The following ATRNL1 variants were observed in gnomAD, a reference collection of about 807,000 sequenced individuals.
The protein encoded by ATRNL1 is attractin-like protein 1.
Under a neutral mutation model 182.7 loss-of-function variants are expected in ATRNL1, and 95 were observed. The observed-to-expected ratio is 0.52, with a 90% CI of 0.44 to 0.62. The LOEUF is 0.62. ATRNL1 is among the 20% of genes least tolerant of loss of function. The pLI is 0.00. For synonymous variants in ATRNL1, 576 were observed against 568.3 expected (o/e 1.01, Z -0.19); for missense variants, 1,471 against 1,679.5 (o/e 0.88, Z 2.17).
intron 26 of ATRNL1, among the ~76,000 whole-genome samples, chr10:115,687,951 T>C (rs1447792437): frequency 6.6e-6 from 1 of 152,076 alleles, no homozygotes; most frequent in African/African-American, 2.4e-5. Flanking sequence ...TCAGTCTCTC[T>C]TCATTCACTC....
At chr10:115,842,083 TAG>T (rs1950822800) in intron 27 of ATRNL1, among the ~76,000 whole-genome samples, 1 of 151,732 alleles carries the variant, frequency 6.6e-6, no homozygotes, top group Non-Finnish European at 1.5e-5. Flanking sequence ...AGGGAAATGT[TAG>T]AGTGATTAAT....
At chr10:115,138,363 C>T (rs189428562) in intron 5 of ATRNL1, among the ~76,000 whole-genome samples, 63 of 152,370 alleles carry the variant, frequency 4.1e-4, no homozygotes, top group African/African-American at 1.4e-3. Context: ...TCCAACCCTA[C>T]GTTTCCCTTC....
At chr10:115,166,235 G>A (rs1025500072) in intron 7 of ATRNL1, among the ~76,000 whole-genome samples, 1 of 151,992 alleles carries the variant, frequency 6.6e-6, no homozygotes, top group African/African-American at 2.4e-5. Flanking sequence ...GTGTCAGAAT[G>A]TCCTTCCTTT....
intron 21 of ATRNL1, among the ~76,000 whole-genome samples, chr10:115,439,998 G>T (rs768954610): frequency 6.6e-6 from 1 of 151,576 alleles, no homozygotes; most frequent in Non-Finnish European, 1.5e-5. Context: ...TCATTAATTT[G>T]TTTAATTATT....
intron 26 of ATRNL1, among the ~76,000 whole-genome samples, chr10:115,726,938 C>T (rs1421872382): frequency 2.0e-5 from 3 of 151,166 alleles, no homozygotes; most frequent in Non-Finnish European, 4.4e-5. Context: ...ACTGTAATAA[C>T]ACTTTTTACT....
intron 26 of ATRNL1, among the ~76,000 whole-genome samples, chr10:115,683,841 G>A (rs1375272077): frequency 6.6e-6 from 1 of 151,692 alleles, no homozygotes; most frequent in Non-Finnish European, 1.5e-5. Context: ...ATTTATGTAA[G>A]CTATTTTTTA....
chr10:115,277,536 C>G (rs1426883579), intron 13 of ATRNL1, among the ~76,000 whole-genome samples: 2 of 151,980 alleles, frequency 1.3e-5, no homozygotes, highest in Admixed American at 1.3e-4. Context: ...AAATATTTAG[C>G]TCCATTACAT....
chr10:115,806,415 C>G (rs1949921514), intron 27 of ATRNL1, among the ~76,000 whole-genome samples: 1 of 152,030 alleles, frequency 6.6e-6, no homozygotes, highest in African/African-American at 2.4e-5. Context: ...GCTGCTTTTT[C>G]TATTAACTTG....
intron 28 of ATRNL1, among the ~76,000 whole-genome samples, chr10:115,898,012 C>T (rs957012820): frequency 6.6e-6 from 1 of 151,914 alleles, no homozygotes; most frequent in East Asian, 1.9e-4. Flanking sequence ...TGCAACCTCC[C>T]GTCTTCCCGG....
At chr10:115,334,483 C>A in intron 19 of ATRNL1, 64 bp downstream of exon 19, 1 of 1,305,906 alleles carries the variant, frequency 7.7e-7, no homozygotes, top group South Asian at 2.0e-5. Flanking sequence ...AAGAAAGCAG[C>A]GCCTGTTGTG....
At chr10:115,159,017 T>C (rs187623955) in intron 5 of ATRNL1, among the ~76,000 whole-genome samples, 37 of 151,918 alleles carry the variant, frequency 2.4e-4, no homozygotes, top group Admixed American at 4.6e-4. Flanking sequence ...GGGAGAATTA[T>C]GTTGTCAAAA....
chr10:115,271,165 TACACACACACACACAC>T (rs59638255), intron 13 of ATRNL1, among the ~76,000 whole-genome samples: 1 of 145,918 alleles, frequency 6.9e-6, no homozygotes, highest in South Asian at 2.2e-4. Flanking sequence ...ACAAAGATAT[TACACACACACACACAC>T]ACACACACAC....
At chr10:115,405,028 A>G (rs1222469085) in intron 20 of ATRNL1, among the ~76,000 whole-genome samples, 1 of 152,192 alleles carries the variant, frequency 6.6e-6, no homozygotes, top group Non-Finnish European at 1.5e-5. Context: ...AGTAAAGAAC[A>G]GAGTATCAAG....
intron 26 of ATRNL1, among the ~76,000 whole-genome samples, chr10:115,611,613 TA>T (rs1857163596): frequency 6.6e-6 from 1 of 152,166 alleles, no homozygotes; most frequent in South Asian, 2.1e-4. Context: ...TTAATTGATT[TA>T]AAAAGACAAT....
intron 5 of ATRNL1, among the ~76,000 whole-genome samples, chr10:115,138,557 C>T (rs1242945318): frequency 1.3e-5 from 2 of 152,240 alleles, no homozygotes; most frequent in African/African-American, 2.4e-5. Context: ...GGGGCTTCCA[C>T]CCTCTGAAGC....
intron 27 of ATRNL1, among the ~76,000 whole-genome samples, chr10:115,845,594 A>T (rs990363786): frequency 6.6e-6 from 1 of 152,046 alleles, no homozygotes; most frequent in Admixed American, 6.6e-5. Context: ...AAATTGATGT[A>T]CTACTGAATC....
intron 28 of ATRNL1, among the ~76,000 whole-genome samples, chr10:115,933,266 C>T (rs1953459116): frequency 2.0e-5 from 3 of 152,240 alleles, no homozygotes; most frequent in South Asian, 4.1e-4. Flanking sequence ...AACTTAGAGT[C>T]AGCTTCTTCA....
In ATRNL1 at chr10:115,496,255, A is replaced by T. The variant is rs886362481; in HGVS notation, c.3655-23008A>T. 4.6e-5 allele frequency among the ~76,000 whole-genome samples: 7 copies of T among 151,950 alleles called. No homozygotes were observed. In the East Asian group the frequency reaches 1.4e-3, roughly 29 times the overall value. ...AGCATGTAAGCTGGTTATTATGCAG[A>T]CTTGTTTGTGCAGTTTCTTTATAGT... On this transcript the variant is annotated intron_variant, in intron 24 of 28. Coordinates refer to ENST00000355044, the MANE Select transcript of ATRNL1 (RefSeq NM_207303.4).
At chr10:115,147,617 CTT>C (rs2143868333) in intron 5 of ATRNL1, among the ~76,000 whole-genome samples, 1 of 152,018 alleles carries the variant, frequency 6.6e-6, no homozygotes, top group Non-Finnish European at 1.5e-5. Flanking sequence ...GGGTTTAAGT[CTT>C]TAATCCATTT....
Sources: gnomAD v4.1 joint callset for allele counts (sites outside exome capture counted in the v4.1 genomes callset) on GRCh38, gnomAD v4.1.1 for gene constraint, MANE v1.5 for transcripts, NCBI Gene and HGNC (gene_info 2026-07-23, HGNC 2026-07-21) for gene names.